The following MRO variants were observed in gnomAD, a reference collection of about 807,000 sequenced individuals.
MRO encodes the protein protein maestro.
A neutral mutation model predicts 31.0 loss-of-function variants in MRO; 28 were observed. The observed-to-expected ratio is 0.90, with a 90% CI of 0.67 to 1.24. The LOEUF (loss-of-function observed/expected upper bound fraction) is 1.24. MRO is among the 50% of genes most tolerant of loss of function. The probability of loss-of-function intolerance (pLI) is 0.00; values close to 1 mark genes in which losing one functional copy is unlikely to be tolerated. For synonymous variants in MRO, 108 were observed against 108.4 expected, an observed-to-expected ratio of 1.00 and a Z score of 0.02; for missense variants, 332 against 289.2, an observed-to-expected ratio of 1.15 and a Z score of -1.07.
intron 4 of MRO, among the ~76,000 whole-genome samples, 177 bp downstream of exon 4, chr18:50,806,527 C>T (rs1381550789): frequency 1.3e-5 from 2 of 152,136 alleles, no homozygotes; most frequent in Non-Finnish European, 2.9e-5. Flanking sequence ...GACTCCTGAC[C>T]CGCGAAAACC....
At chr18:50,824,496 A>G (rs1599053539), upstream of MRO, among the ~76,000 whole-genome samples, 2 of 143,042 alleles carry the variant, frequency 1.4e-5, no homozygotes, top group Non-Finnish European at 3.0e-5. Context: ...ATTCTGTTGC[A>G]TAGACTGGAG....
intron 6 of MRO, among the ~76,000 whole-genome samples, chr18:50,800,543 A>T (rs1913195729): frequency 6.6e-6 from 1 of 152,226 alleles, no homozygotes; most frequent in Non-Finnish European, 1.5e-5. Context: ...CCTTGTTGGG[A>T]TACAATTTTC....
chr18:50,801,289 A>C, intron 6 of MRO, 60 bp downstream of exon 6: 1 of 1,457,184 alleles, frequency 6.9e-7, no homozygotes, highest in Non-Finnish European at 9.2e-7. Context: ...CTCAACTCGC[A>C]ACTCCCTTTA....
Position 50,805,237 on chromosome 18 carries a change from C to T in MRO, c.346G>A (p.Val116Ile), listed in dbSNP as rs756486124. 2.4e-5 allele frequency: 39 copies of T among 1,613,896 alleles called. No individual in the cohort carries two copies. The highest frequency in any genetic ancestry group is 8.9e-5 in the East Asian group (4 of 44,894). The stretch of plus-strand genomic sequence containing the variant: ...TTCCCCTGGATCTTGCCCAGAACGA[C>T]GGTCAGAGTCTTCATACTCTCATGG... ...VIHESMKTLT[V>I]VLGKIQGKGL... Residue 116 changes from valine (V) to isoleucine (I), a missense_variant, in exon 5 of 8, where the codon GTC (valine) becomes ATC (isoleucine). Physicochemically the swap from Val to Ile is conservative, Grantham distance 29. Transcript: ENST00000398439.
intron 5 of MRO, 83 bp from the exon 6 acceptor site, chr18:50,801,587 T>A: frequency 4.7e-6 from 6 of 1,270,498 alleles, no homozygotes; most frequent in Non-Finnish European, 6.6e-6. Flanking sequence ...CAGCCATCGG[T>A]CAGAACACAT....
chr18:50,821,739 A>G (rs1011493077), upstream of MRO, among the ~76,000 whole-genome samples: 30 of 152,220 alleles, frequency 2.0e-4, no homozygotes, highest in Admixed American at 4.6e-4. Flanking sequence ...TATCTTCTCT[A>G]CTGTTAAATA....
chr18:50,819,486 G>T, intron 2 of MRO, 95 bp downstream of exon 2: 1 of 1,504,992 alleles, frequency 6.6e-7, no homozygotes, highest in South Asian at 1.3e-5. Flanking sequence ...CCATACTGGT[G>T]ACCAGAGTGA....
upstream of MRO, among the ~76,000 whole-genome samples, chr18:50,822,428 T>C (rs1480936090): frequency 2.0e-5 from 3 of 152,124 alleles, no homozygotes; most frequent in Non-Finnish European, 4.4e-5. Context: ...AACCTCCGCC[T>C]CCCAGGTTCA....
Position 50,795,474 on chromosome 18 carries a change from T to C in MRO, c.*3863A>G, listed in dbSNP as rs1399446373. 6.6e-6 allele frequency: 1 copy of C among 152,236 alleles called. No homozygotes were observed. The highest frequency in any genetic ancestry group is 6.5e-5 in the Admixed American group (1 of 15,280). The allele number at this position is 152,236 out of a possible 1,614,324, so 9.4% of individuals were successfully genotyped here. A position where few individuals can be genotyped will look rare whatever the true frequency, so the allele number is the denominator to read the frequency against. On this transcript the variant is annotated 3_prime_UTR_variant, in exon 8 of 8. Transcript: ENST00000398439. ...GTTTCTCGCTTTCAAAACATTCTAG[T>C]GCTTTTTTATAACGTGTGAAGCGTT... is the stretch of plus-strand genomic sequence containing the variant.
intron 2 of MRO, 149 bp from the exon 3 acceptor site, chr18:50,809,553 AACAGTCAC>A (rs1385389726): frequency 7.6e-6 from 4 of 528,054 alleles, no homozygotes; most frequent in Non-Finnish European, 1.3e-5. Flanking sequence ...GGTGAGATAG[AACAGTCAC>A]ACAGATGAAT....
Position 50,805,203 on chromosome 18 carries a change from C to A in MRO, c.380G>T (p.Gly127Val). Reference sequence around the variant, plus strand: ...AAGGGTGATATCTATGAAGAAGGAACCCAAACCTTTCCCCTGGATCTTGCC... The same window carrying A: ...AAGGGTGATATCTATGAAGAAGGAAACCAAACCTTTCCCCTGGATCTTGCC... ...VLGKIQGKGL[G>V]SFFIDITLQT... Residue 127 changes from glycine to valine, a missense_variant, in exon 5 of 8, where the codon GGT becomes GTT. Transcript: ENST00000398439. The A allele has an allele frequency of 6.2e-7, 1 of 1,613,844 alleles. No individual in the cohort carries two copies. Among genetic ancestry groups the A allele is most frequent in the Non-Finnish European group, 8.5e-7 (1 of 1,179,762 alleles).
At chr18:50,804,556 G>A (rs1281355681) in intron 5 of MRO, among the ~76,000 whole-genome samples, 1 of 151,426 alleles carries the variant, frequency 6.6e-6, no homozygotes, top group Non-Finnish European at 1.5e-5. Flanking sequence ...AGCCCAGAAG[G>A]TGGAGGTTGC....
At chr18:50,808,380 T>C (rs1362571780) in intron 3 of MRO, among the ~76,000 whole-genome samples, 1 of 152,082 alleles carries the variant, frequency 6.6e-6, no homozygotes, top group Non-Finnish European at 1.5e-5. Flanking sequence ...AGTGGTGCTA[T>C]GGATGAGATT....
chr18:50,823,244 G>A (rs1178265342), upstream of MRO, among the ~76,000 whole-genome samples: 1 of 134,358 alleles, frequency 7.4e-6, no homozygotes, highest in African/African-American at 2.6e-5. Context: ...TGCCACATTT[G>A]CTTCCTCCCA....
chr18:50,802,175 C>G (rs984514820), intron 5 of MRO, among the ~76,000 whole-genome samples: 2 of 151,872 alleles, frequency 1.3e-5, no homozygotes, highest in African/African-American at 2.4e-5. Flanking sequence ...TCAACCAGTT[C>G]CCTGTTTATT....
At chr18:50,811,191 T>C (rs1914442913) in intron 2 of MRO, among the ~76,000 whole-genome samples, 2 of 152,234 alleles carry the variant, frequency 1.3e-5, no homozygotes, top group South Asian at 4.1e-4. Flanking sequence ...TGATTTCAAT[T>C]GTACTTTGTA....
rs1438880138 is a variant in MRO, at chr18:50,799,406, A to G, written c.694-16T>C. Reference sequence around the variant, plus strand: ...GATAGTGGCTCTGAAAGAAATTAGCAAAGGTACGCGTGAGGGCAGGATTCA... The same window carrying G: ...GATAGTGGCTCTGAAAGAAATTAGCGAAGGTACGCGTGAGGGCAGGATTCA... On this transcript the variant is annotated splice_polypyrimidine_tract_variant and intron_variant, in intron 7 of 7. Coordinates refer to ENST00000398439, the MANE Select transcript of MRO (RefSeq NM_031939.6). The G allele has an allele frequency of 6.2e-7, 1 of 1,613,164 alleles. No homozygotes were observed.
At position 50,798,931 on chromosome 18, in the gene MRO, AC is replaced by A. The variant is rs561240714; in HGVS notation, c.*405del. The stretch of plus-strand genomic sequence containing the variant: ...ACTAAAAAAAAACAAAACAACAACA[AC>A]AAAAAAACAAAAAAACGCTTAAGGT... On this transcript the variant is annotated 3_prime_UTR_variant, in exon 8 of 8. Coordinates refer to ENST00000398439, the MANE Select transcript of MRO (RefSeq NM_031939.6). 142 of 153,600 alleles carry A rather than the reference AC, an allele frequency of 9.2e-4. 1 individual carries two copies. Among genetic ancestry groups the A allele is most frequent in the Admixed American group, 2.7e-3 (41 of 15,328 alleles). 9.5% of individuals were successfully genotyped at this position (153,600 alleles called of 1,614,324 possible). A position where few individuals can be genotyped will look rare whatever the true frequency, so the allele number is the denominator to read the frequency against.
At chr18:50,819,407 G>C (rs1045436783) in intron 2 of MRO, 174 bp downstream of exon 2, 2 of 983,824 alleles carry the variant, frequency 2.0e-6, no homozygotes, top group East Asian at 1.1e-4. Flanking sequence ...TCAGCTTCCT[G>C]GTCAACATTG....
Sources: gnomAD v4.1 joint callset for allele counts (sites outside exome capture counted in the v4.1 genomes callset) on GRCh38, gnomAD v4.1.1 for gene constraint, MANE v1.5 for transcripts, NCBI Gene and HGNC (gene_info 2026-07-23, HGNC 2026-07-21) for gene names.